The following PPP2R3A variants were observed in gnomAD, a reference collection of about 807,000 sequenced individuals.
The protein encoded by PPP2R3A is serine/threonine-protein phosphatase 2A regulatory subunit B'' subunit alpha.
PPP2R3A carries 80 observed loss-of-function variants against 106.9 expected under a neutral mutation model. The observed-to-expected ratio is 0.75, with a 90% CI of 0.62 to 0.90. The LOEUF (loss-of-function observed/expected upper bound fraction) is 0.90. Among genes scored for constraint, PPP2R3A ranks in the 40% least tolerant of loss-of-function variants. The pLI, the probability that PPP2R3A is intolerant of heterozygous loss-of-function variation, is 0.00. For synonymous variants in PPP2R3A, 483 were observed against 468.3 expected, an observed-to-expected ratio of 1.03 and a Z score of -0.41; for missense variants, 1,386 against 1,350.4, an observed-to-expected ratio of 1.03 and a Z score of -0.41.
chr3:136,093,715 C>T (rs1214144188), intron 10 of PPP2R3A, among the ~76,000 whole-genome samples: 2 of 152,152 alleles, frequency 1.3e-5, no homozygotes, highest in Admixed American at 1.3e-4. Flanking sequence ...CCACTTCACA[C>T]TAGGATAGTT....
chr3:136,100,839 C>CA (rs893913851), intron 10 of PPP2R3A, among the ~76,000 whole-genome samples: 2 of 151,986 alleles, frequency 1.3e-5, no homozygotes, highest in African/African-American at 4.8e-5. Context: ...AAAGTTAAAA[C>CA]AAAAAATCTG....
At chr3:136,109,167 G>GT (rs1352051995) in intron 13 of PPP2R3A, among the ~76,000 whole-genome samples, 1 of 152,166 alleles carries the variant, frequency 6.6e-6, no homozygotes, top group Non-Finnish European at 1.5e-5. Context: ...AAATATATGT[G>GT]TAAGTTTCAT....
At chr3:136,052,875 A>G (rs908968421) in intron 5 of PPP2R3A, among the ~76,000 whole-genome samples, 1 of 152,214 alleles carries the variant, frequency 6.6e-6, no homozygotes, top group African/African-American at 2.4e-5. Context: ...TGTAGAAATT[A>G]AAAAGGAATA....
In PPP2R3A at chr3:135,969,255, TAGG is replaced by T. The variant is rs201431370; in HGVS notation, c.-441+3409_-441+3411del. Among the ~76,000 whole-genome samples the T allele has an allele frequency of 7.0e-3, 1,068 of 152,198 alleles. 16 individuals are homozygous for T. Among genetic ancestry groups the T allele is most frequent in the African/African-American group, 0.024 (1,017 of 41,528 alleles). ...CTAATTAAGGTTACTGTGGATAACA[TAGG>T]AGAGAAAAGGTGGTGGCTGAGAGAA... On this transcript the variant is annotated intron_variant, in intron 1 of 13. Coordinates refer to ENST00000264977, the MANE Select transcript of PPP2R3A (RefSeq NM_002718.5).
chr3:136,117,111 A>C (rs1019243736), intron 13 of PPP2R3A, among the ~76,000 whole-genome samples: 3 of 152,228 alleles, frequency 2.0e-5, no homozygotes, highest in African/African-American at 7.2e-5. Flanking sequence ...CTACATGGAA[A>C]CTAAACAACC....
chr3:136,054,994 A>C (rs1935813340), intron 5 of PPP2R3A, among the ~76,000 whole-genome samples: 2 of 152,254 alleles, frequency 1.3e-5, no homozygotes, highest in Non-Finnish European at 2.9e-5. Flanking sequence ...TAAAAGCAGA[A>C]AACACTGATT....
rs545967037 is a variant in PPP2R3A, at chr3:135,991,916, C to A, written c.-440-9143C>A. Among the ~76,000 whole-genome samples the A allele has an allele frequency of 6.9e-4, 105 of 152,300 alleles. No individual in the cohort carries two copies. The South Asian group carries it at 0.021, about 31-fold the overall frequency. On this transcript the variant is annotated intron_variant, in intron 1 of 13. Transcript: ENST00000264977. ...TCCACTGCTGAATGTTTTTATATTA[C>A]CCTTAGCCTCATTCAGACATTAGCC...
rs1420061088 is a variant in PPP2R3A, at chr3:136,003,429, T to C, written c.1931T>C (p.Val644Ala). ...QANLSVCRSP[V>A]GDKAKDTTSA... is the part of the protein sequence containing the mutation. ...AATTTATCAGTCTGTAGAAGTCCTG[T>C]TGGTGATAAAGCCAAAGATACTACT... Residue 644 changes from valine (V) to alanine (A), a missense_variant, in exon 2 of 14, where the codon GTT becomes GCT. Coordinates refer to ENST00000264977, the MANE Select transcript of PPP2R3A (RefSeq NM_002718.5). The C allele has an allele frequency of 1.2e-6, 2 of 1,613,836 alleles. No homozygotes were observed.
intron 13 of PPP2R3A, among the ~76,000 whole-genome samples, chr3:136,111,324 A>T (rs1369207006): frequency 1.3e-5 from 2 of 152,158 alleles, no homozygotes; most frequent in African/African-American, 4.8e-5. Flanking sequence ...TGGTTAAAGT[A>T]TGTCTGTTAA....
intron 2 of PPP2R3A, among the ~76,000 whole-genome samples, chr3:136,009,931 C>G (rs1288969664): frequency 6.6e-6 from 1 of 152,282 alleles, no homozygotes; most frequent in Admixed American, 6.5e-5. Context: ...ATCACACAAC[C>G]ATGCTGAGTG....
intron 13 of PPP2R3A, among the ~76,000 whole-genome samples, 179 bp from the exon 14 acceptor site, chr3:136,144,864 G>C (rs958921801): frequency 1.3e-5 from 2 of 152,188 alleles, no homozygotes; most frequent in Admixed American, 6.5e-5. Context: ...ACAGGGAGAA[G>C]AATGTGTTTT....
rs555673290 is a variant in PPP2R3A, at chr3:136,124,262, G to A, written c.3329+17940G>A. ...CTGAGCACTCTGGGAGGACAAGTTG[G>A]GAAGATTGCGTGGGGCCAGGAGTTC... On this transcript the variant is annotated intron_variant, in intron 13 of 13. Coordinates refer to ENST00000264977, the MANE Select transcript of PPP2R3A (RefSeq NM_002718.5). Among the ~76,000 whole-genome samples the A allele has an allele frequency of 1.2e-4, 18 of 152,274 alleles. No homozygotes were observed. The East Asian group carries it at 3.3e-3, about 28-fold the overall frequency.
chr3:136,078,567 A>G, intron 7 of PPP2R3A, 114 bp downstream of exon 7: 1 of 693,668 alleles, frequency 1.4e-6, no homozygotes, highest in Non-Finnish European at 2.5e-6. Context: ...ACTTTCAGTC[A>G]TTAAGCATTT....
At chr3:136,085,637 G>T (rs1469756878) in intron 8 of PPP2R3A, among the ~76,000 whole-genome samples, 2 of 152,108 alleles carry the variant, frequency 1.3e-5, no homozygotes, top group African/African-American at 4.8e-5. Context: ...TCATAAGATT[G>T]TCCCTGTTCT....
chr3:136,062,605 C>G (rs1936113876), intron 5 of PPP2R3A, among the ~76,000 whole-genome samples: 1 of 151,632 alleles, frequency 6.6e-6, no homozygotes, highest in South Asian at 2.1e-4. Context: ...ATAGTCCCAG[C>G]TACTCAGGAG....
intron 4 of PPP2R3A, among the ~76,000 whole-genome samples, chr3:136,047,768 G>C (rs1935523427): frequency 6.6e-6 from 1 of 152,154 alleles, no homozygotes; most frequent in South Asian, 2.1e-4. Context: ...AGGCAGGTGT[G>C]GTGGCGGGTG....
At chr3:136,102,546 C>G (rs1459041587) in intron 11 of PPP2R3A, among the ~76,000 whole-genome samples, 1 of 151,856 alleles carries the variant, frequency 6.6e-6, no homozygotes, top group Non-Finnish European at 1.5e-5. Flanking sequence ...GGGGTTTCAC[C>G]ATGTTGGCCA....
chr3:136,023,807 A>G (rs957726863), intron 2 of PPP2R3A, among the ~76,000 whole-genome samples: 2 of 152,076 alleles, frequency 1.3e-5, no homozygotes, highest in Non-Finnish European at 1.5e-5. Flanking sequence ...CAATTGAGTC[A>G]TTTCTGCCTA....
chr3:136,042,023 A>C (rs1003442866), intron 4 of PPP2R3A, among the ~76,000 whole-genome samples: 30 of 152,130 alleles, frequency 2.0e-4, no homozygotes, highest in African/African-American at 6.8e-4. Flanking sequence ...CTGGTAAACT[A>C]TTGGGAAATG....
Sources: allele counts gnomAD v4.1 joint callset (sites outside exome capture counted in the v4.1 genomes callset), GRCh38; gene constraint gnomAD v4.1.1; transcripts MANE v1.5; gene names NCBI Gene and HGNC (gene_info 2026-07-23, HGNC 2026-07-21).